Variants in ADGRA3 observed in about 807,000 individuals in gnomAD.
ADGRA3 encodes the protein G-protein coupled receptor 125.
Under a neutral mutation model 119.8 loss-of-function variants are expected in ADGRA3, and 56 were observed. The ratio of observed to expected loss-of-function variants is 0.47; its 90% CI spans 0.38 to 0.58. The LOEUF is 0.58. Among genes scored for constraint, ADGRA3 ranks in the 20% least tolerant of loss-of-function variants. The probability of loss-of-function intolerance (pLI) is 0.00; values close to 1 mark genes in which losing one functional copy is unlikely to be tolerated. For synonymous variants in ADGRA3, 607 were observed against 623.8 expected (o/e 0.97, Z 0.40); for missense variants, 1,516 against 1,649.0 (o/e 0.92, Z 1.40).
chr4:22,470,631 C>T (rs796962627), intron 2 of ADGRA3, among the ~76,000 whole-genome samples: 8 of 152,252 alleles, frequency 5.3e-5, no homozygotes, highest in African/African-American at 1.9e-4. Flanking sequence ...TCAAGTCGTC[C>T]GGTTATTCTG....
chr4:22,444,561 G>A (rs922726715), intron 6 of ADGRA3, among the ~76,000 whole-genome samples: 2 of 152,100 alleles, frequency 1.3e-5, no homozygotes, highest in Non-Finnish European at 2.9e-5. Flanking sequence ...ACCGCGCCCT[G>A]CCTGTATCAG....
chr4:22,511,842 T>C (rs538938976), intron 1 of ADGRA3, among the ~76,000 whole-genome samples: 1 of 151,816 alleles, frequency 6.6e-6, no homozygotes, highest in East Asian at 1.9e-4. Context: ...AACCTATCAT[T>C]TCCTCCCCTT....
intron 3 of ADGRA3, among the ~76,000 whole-genome samples, chr4:22,456,660 T>C (rs2109094816): frequency 6.6e-6 from 1 of 152,254 alleles, no homozygotes; most frequent in South Asian, 2.1e-4. Flanking sequence ...GCCCTCCAGC[T>C]TACAGAAAGC....
intron 1 of ADGRA3, among the ~76,000 whole-genome samples, chr4:22,491,022 A>G (rs1718604391): frequency 6.6e-6 from 1 of 152,150 alleles, no homozygotes; most frequent in Admixed American, 6.5e-5. Flanking sequence ...GAAGGCAAAC[A>G]AGTGGTCAGA....
At chr4:22,514,892 G>A (rs796904372) in intron 1 of ADGRA3, among the ~76,000 whole-genome samples, 2 of 152,164 alleles carry the variant, frequency 1.3e-5, no homozygotes, top group African/African-American at 4.8e-5. Context: ...CAGTTCCAAT[G>A]TTCCTGGCTT....
chr4:22,499,432 C>T (rs964222055), intron 1 of ADGRA3, among the ~76,000 whole-genome samples: 1 of 152,188 alleles, frequency 6.6e-6, no homozygotes, highest in Non-Finnish European at 1.5e-5. Context: ...CGAATCCCCA[C>T]TTCCATTCAC....
chr4:22,493,135 T>C (rs909172083), intron 1 of ADGRA3, among the ~76,000 whole-genome samples: 2 of 152,194 alleles, frequency 1.3e-5, no homozygotes, highest in Non-Finnish European at 2.9e-5. Context: ...CAGCTAGTTT[T>C]TGTATTTCTT....
At position 22,387,892 on chromosome 4, in the gene ADGRA3, G is replaced by C. The variant is rs1577315674; in HGVS notation, c.3779C>G (p.Thr1260Ser). Residue 1260 changes from threonine (T) to serine (S), a missense_variant, in exon 19 of 19, where the codon ACT becomes AGT. Thr to Ser is a moderately conservative substitution (Grantham distance 58, BLOSUM62 1). Transcript: ENST00000334304. ...CTTCCTTAACGCATCTTTTTTACTAGTGGTTGAAACTGGCTTTTCAAAATT... is the reference window on the plus strand; with the variant it reads ...CTTCCTTAACGCATCTTTTTTACTACTGGTTGAAACTGGCTTTTCAAAATT... Reference protein sequence around the residue: ...SRNFEKPVSTTSKKDALRKPA... With the variant: ...SRNFEKPVSTSSKKDALRKPA... 1 of 1,614,114 alleles carries C rather than the reference G, an allele frequency of 6.2e-7. No individual in the cohort carries two copies. Among genetic ancestry groups the C allele is most frequent in the Non-Finnish European group, 8.5e-7 (1 of 1,179,978 alleles).
chr4:22,469,563 T>C (rs186690668), intron 2 of ADGRA3, among the ~76,000 whole-genome samples: 8 of 152,290 alleles, frequency 5.3e-5, no homozygotes, highest in East Asian at 1.9e-4. Flanking sequence ...AGCCCAAACA[T>C]ACCACTTCTT....
At chr4:22,491,362 G>A (rs1031103735) in intron 1 of ADGRA3, among the ~76,000 whole-genome samples, 4 of 152,132 alleles carry the variant, frequency 2.6e-5, no homozygotes, top group Admixed American at 1.3e-4. Flanking sequence ...AATCACACAA[G>A]TTTTTATTGA....
intron 1 of ADGRA3, among the ~76,000 whole-genome samples, chr4:22,494,887 G>C (rs938677406): frequency 6.6e-5 from 10 of 151,880 alleles, no homozygotes; most frequent in African/African-American, 2.2e-4. Context: ...ATACTTCCAA[G>C]ACCCCTAGTG....
chr4:22,505,221 G>A (rs975056719), intron 1 of ADGRA3, among the ~76,000 whole-genome samples: 1 of 152,104 alleles, frequency 6.6e-6, no homozygotes, highest in Non-Finnish European at 1.5e-5. Context: ...GTGGAAAAAA[G>A]GTTTTGTGCC....
At chr4:22,501,094 G>C (rs58471362) in intron 1 of ADGRA3, among the ~76,000 whole-genome samples, 9,436 of 152,146 alleles carry the variant, frequency 0.062, 516 homozygotes, top group African/African-American at 0.15. Context: ...CAGCTGTCCT[G>C]GTTCTCCAGG....
intron 1 of ADGRA3, among the ~76,000 whole-genome samples, chr4:22,474,428 C>A (rs1364127926): frequency 6.6e-6 from 1 of 152,070 alleles, no homozygotes; most frequent in Non-Finnish European, 1.5e-5. Flanking sequence ...CAATGTTTAT[C>A]AAAATTAAAT....
chr4:22,388,383 A>C lies in ADGRA3; in HGVS notation c.3288T>G (p.Ser1096=). ...APKCPNSSAE[S]SCTNKSASSF... ...TTGAAGCACTTTTGTTTGTGCATGAAGACTCCGCACTGCTATTGGGGCATT... is the reference window on the plus strand; with the variant it reads ...TTGAAGCACTTTTGTTTGTGCATGACGACTCCGCACTGCTATTGGGGCATT... The change falls in exon 19 of 19, where the codon TCT becomes TCG. Residue 1096 remains serine (S), a synonymous_variant. Transcript: ENST00000334304. 1 of 1,613,986 alleles carries C rather than the reference A, an allele frequency of 6.2e-7. No individual in the cohort carries two copies. The highest frequency in any genetic ancestry group is 1.1e-5 in the South Asian group (1 of 91,072).
In ADGRA3 at chr4:22,463,646, T is replaced by G. The variant is rs564525176; in HGVS notation, c.330-1838A>C. 2.6e-5 allele frequency among the ~76,000 whole-genome samples: 4 copies of G among 152,350 alleles called. No individual in the cohort carries two copies. In the South Asian group the frequency reaches 6.2e-4, roughly 24 times the overall value. On this transcript the variant is annotated intron_variant, in intron 2 of 18. Coordinates refer to ENST00000334304, the MANE Select transcript of ADGRA3 (RefSeq NM_145290.4). ...GTCCCACCAGCTAATGAAAGTGAACTGCTATACATGGCATGCCTCATAACA... is the reference window on the plus strand; with the variant it reads ...GTCCCACCAGCTAATGAAAGTGAACGGCTATACATGGCATGCCTCATAACA...
chr4:22,462,919 G>A (rs552651995), intron 2 of ADGRA3, among the ~76,000 whole-genome samples: 7 of 152,260 alleles, frequency 4.6e-5, no homozygotes, highest in Non-Finnish European at 7.4e-5. Context: ...CTATACAAGT[G>A]TTTGGCTAGA....
At chr4:22,473,476 T>C (rs1474661135) in intron 2 of ADGRA3, among the ~76,000 whole-genome samples, 1 of 152,212 alleles carries the variant, frequency 6.6e-6, no homozygotes, top group Non-Finnish European at 1.5e-5. Context: ...TCCTAAGTAT[T>C]GTCTTATGCA....
intron 14 of ADGRA3, among the ~76,000 whole-genome samples, chr4:22,407,930 C>A (rs2109016114): frequency 6.6e-6 from 1 of 151,752 alleles, no homozygotes; most frequent in South Asian, 2.1e-4. Flanking sequence ...GGAAAGGAAT[C>A]CAAAGAAAAT....
Sources: allele counts gnomAD v4.1 joint callset (sites outside exome capture counted in the v4.1 genomes callset), GRCh38; gene constraint gnomAD v4.1.1; transcripts MANE v1.5; gene names NCBI Gene and HGNC (gene_info 2026-07-23, HGNC 2026-07-21).